ZNF804B: variants seen among roughly 807,000 people sequenced by gnomAD.
ZNF804B encodes zinc finger 804B.
ZNF804B carries 80 observed loss-of-function variants against 101.4 expected under a neutral mutation model. That is an observed-to-expected ratio of 0.79 (90% CI 0.66 to 0.95). ZNF804B has a LOEUF of 0.95. Ranked by LOEUF, ZNF804B falls within the 40% of genes least tolerant of loss-of-function variation. The pLI is 0.00. For missense variants in ZNF804B, 1,673 were observed against 1,561.9 expected (o/e 1.07, Z -1.20); for synonymous variants, 622 against 558.8 (o/e 1.11, Z -1.59).
At chr7:89,000,855 G>A (rs953096479) in intron 1 of ZNF804B, among the ~76,000 whole-genome samples, 1 of 149,188 alleles carries the variant, frequency 6.7e-6, no homozygotes, top group African/African-American at 2.5e-5. Flanking sequence ...TATATATATA[G>A]AGAGATATCA....
intron 1 of ZNF804B, among the ~76,000 whole-genome samples, chr7:88,970,344 GCC>G (rs3034350): frequency 0.59 from 84,984 of 144,138 alleles, 24,888 homozygotes; most frequent in Middle Eastern, 0.68. Flanking sequence ...TTATTCTGAT[GCC>G]CCCCCCCCAC....
intron 1 of ZNF804B, among the ~76,000 whole-genome samples, chr7:88,957,897 A>C (rs1793334045): frequency 1.3e-5 from 2 of 148,856 alleles, no homozygotes; most frequent in South Asian, 4.3e-4. Context: ...CATTTATATA[A>C]ATACGAGTAA....
At chr7:89,021,751 T>A (rs1483628868) in intron 1 of ZNF804B, among the ~76,000 whole-genome samples, 7 of 152,158 alleles carry the variant, frequency 4.6e-5, no homozygotes, top group Non-Finnish European at 2.9e-5. Flanking sequence ...GTGGGCTTGC[T>A]GGAATGAAGA....
chr7:89,094,495 A>G (rs1387835202), intron 1 of ZNF804B, among the ~76,000 whole-genome samples: 1 of 152,132 alleles, frequency 6.6e-6, no homozygotes, highest in Admixed American at 6.6e-5. Flanking sequence ...AATTGCCTCC[A>G]CTGCTGTCCA....
chr7:89,229,261 G>C (rs373455405), intron 2 of ZNF804B, among the ~76,000 whole-genome samples: 1 of 152,230 alleles, frequency 6.6e-6, no homozygotes, highest in African/African-American at 2.4e-5. Flanking sequence ...AGCGAGGGCT[G>C]TGAGGACTGC....
intron 3 of ZNF804B, among the ~76,000 whole-genome samples, chr7:89,331,993 T>C (rs1001474268): frequency 6.6e-6 from 1 of 151,366 alleles, no homozygotes; most frequent in African/African-American, 2.4e-5. Flanking sequence ...ATGTTATACA[T>C]ACATATATGT....
chr7:88,856,342 A>C (rs865878871), intron 1 of ZNF804B, among the ~76,000 whole-genome samples: 2,305 of 151,794 alleles, frequency 0.015, 44 homozygotes, highest in African/African-American at 0.039. Flanking sequence ...AGTTGTATTC[A>C]TAGGTATTTT....
intron 1 of ZNF804B, among the ~76,000 whole-genome samples, chr7:88,957,493 T>C (rs73202746): frequency 0.1 from 15,556 of 151,354 alleles, 896 homozygotes; most frequent in South Asian, 0.18. Context: ...TATGTGTGTG[T>C]TTCTTTCATG....
Position 89,304,294 on chromosome 7 carries a change from C to T in ZNF804B, c.250-23050C>T, listed in dbSNP as rs575655337. On this transcript the variant is annotated intron_variant, in intron 2 of 3. Coordinates refer to ENST00000333190, the MANE Select transcript of ZNF804B (RefSeq NM_181646.5). ...ACTGATGGACTTCTCCCAAAACATC[C>T]TCCAGTATTTTTCCATTAGTTCACT... Among the ~76,000 whole-genome samples, 7 of 151,944 alleles carry T rather than the reference C, an allele frequency of 4.6e-5. No individual in the cohort carries two copies. In the South Asian group the frequency reaches 1.5e-3, roughly 32 times the overall value.
At chr7:88,996,079 C>T (rs957455512) in intron 1 of ZNF804B, among the ~76,000 whole-genome samples, 1 of 151,916 alleles carries the variant, frequency 6.6e-6, no homozygotes, top group Non-Finnish European at 1.5e-5. Context: ...TAAATAAAAT[C>T]TAAGGAAAGC....
At chr7:89,071,826 A>G (rs1016682953) in intron 1 of ZNF804B, among the ~76,000 whole-genome samples, 4 of 149,884 alleles carry the variant, frequency 2.7e-5, no homozygotes, top group African/African-American at 7.6e-5. Context: ...TTCCAAAAAC[A>G]TAACATGGCA....
At chr7:89,077,089 G>GTAGAATA (rs1445689299) in intron 1 of ZNF804B, among the ~76,000 whole-genome samples, 4 of 152,192 alleles carry the variant, frequency 2.6e-5, no homozygotes, top group Non-Finnish European at 5.9e-5. Flanking sequence ...TGATGATGAT[G>GTAGAATA]TTCCCTTGAT....
chr7:88,819,764 G>C (rs567707932), intron 1 of ZNF804B, among the ~76,000 whole-genome samples: 1 of 152,160 alleles, frequency 6.6e-6, no homozygotes, highest in Non-Finnish European at 1.5e-5. Flanking sequence ...ACATTTAACA[G>C]TTTCATTGTT....
chr7:89,010,212 T>C (rs1788434684), intron 1 of ZNF804B, among the ~76,000 whole-genome samples: 1 of 150,442 alleles, frequency 6.6e-6, no homozygotes, highest in African/African-American at 2.5e-5. Flanking sequence ...TTAACATTTA[T>C]TTTTAAATTT....
At chr7:88,957,465 C>A (rs940772407) in intron 1 of ZNF804B, among the ~76,000 whole-genome samples, 1 of 151,186 alleles carries the variant, frequency 6.6e-6, no homozygotes, top group Non-Finnish European at 1.5e-5. Flanking sequence ...ATAAATATTA[C>A]CTGAAAAGTA....
intron 1 of ZNF804B, among the ~76,000 whole-genome samples, chr7:88,930,011 C>T (rs1199586558): frequency 1.3e-5 from 2 of 151,782 alleles, no homozygotes; most frequent in East Asian, 1.9e-4. Context: ...TGTTTTGGTT[C>T]TATTCAGTGT....
intron 1 of ZNF804B, among the ~76,000 whole-genome samples, chr7:89,146,955 G>A (rs1022393985): frequency 6.6e-6 from 1 of 151,608 alleles, no homozygotes; most frequent in African/African-American, 2.4e-5. Flanking sequence ...ACTTAAGCCT[G>A]GGAAGTGCGG....
At chr7:89,169,291 T>C (rs1163475069) in intron 1 of ZNF804B, among the ~76,000 whole-genome samples, 1 of 152,128 alleles carries the variant, frequency 6.6e-6, no homozygotes, top group Non-Finnish European at 1.5e-5. Context: ...AGAGCTCCCA[T>C]AGGGGACCCA....
intron 1 of ZNF804B, among the ~76,000 whole-genome samples, chr7:89,078,798 T>C (rs540745776): frequency 6.6e-6 from 1 of 152,074 alleles, no homozygotes; most frequent in South Asian, 2.1e-4. Context: ...GAAATACAAT[T>C]GGTCTTTCTA....
Sources: gnomAD v4.1 joint callset for allele counts (sites outside exome capture counted in the v4.1 genomes callset) on GRCh38, gnomAD v4.1.1 for gene constraint, MANE v1.5 for transcripts, NCBI Gene and HGNC (gene_info 2026-07-23, HGNC 2026-07-21) for gene names.